GULP1: variants seen among roughly 807,000 people sequenced by gnomAD.
GULP1 encodes GULP PTB domain containing engulfment adaptor 1.
In GULP1, 19 loss-of-function variants were observed where a neutral mutation model predicts 40.9. That is an observed-to-expected ratio of 0.46 (90% CI 0.32 to 0.68). The LOEUF is 0.68. Ranked by LOEUF, GULP1 falls within the 30% of genes least tolerant of loss-of-function variation. GULP1 has a pLI of 0.03. For missense variants in GULP1, 312 were observed against 362.2 expected (o/e 0.86, Z 1.12); for synonymous variants, 119 against 117.6 (o/e 1.01, Z -0.08).
At chr2:188,366,017 A>C (rs1207342768) in intron 1 of GULP1, among the ~76,000 whole-genome samples, 2 of 152,148 alleles carry the variant, frequency 1.3e-5, no homozygotes, top group African/African-American at 2.4e-5. Context: ...GCAGGGAAGG[A>C]AATGATCAAG....
chr2:188,305,231 G>A (rs556346152), intron 1 of GULP1, among the ~76,000 whole-genome samples: 3 of 152,308 alleles, frequency 2.0e-5, no homozygotes, highest in South Asian at 2.1e-4. Context: ...TGCATAGGGC[G>A]ACGTATAGGG....
chr2:188,482,822 A>G (rs762396418), intron 3 of GULP1, among the ~76,000 whole-genome samples: 5 of 151,674 alleles, frequency 3.3e-5, no homozygotes, highest in Admixed American at 6.6e-5. Flanking sequence ...GAGACTATTT[A>G]TATCCAAAAC....
At chr2:188,545,116 A>G (rs1199529254) in intron 7 of GULP1, among the ~76,000 whole-genome samples, 2 of 152,150 alleles carry the variant, frequency 1.3e-5, no homozygotes, top group Non-Finnish European at 2.9e-5. Context: ...AGCCTGTCAA[A>G]TGATCCTATA....
At chr2:188,560,355 A>G (rs1695917612) in intron 7 of GULP1, among the ~76,000 whole-genome samples, 1 of 152,206 alleles carries the variant, frequency 6.6e-6, no homozygotes, top group African/African-American at 2.4e-5. Flanking sequence ...CCAGTTCCCA[A>G]TAAGTTCATC....
chr2:188,509,733 G>A (rs534825453), intron 4 of GULP1, among the ~76,000 whole-genome samples: 14 of 152,138 alleles, frequency 9.2e-5, no homozygotes, highest in East Asian at 1.9e-4. Context: ...AGAAAACTAC[G>A]CTGTGGCAAT....
chr2:188,555,317 T>C (rs989961198), intron 7 of GULP1, among the ~76,000 whole-genome samples: 1 of 152,292 alleles, frequency 6.6e-6, no homozygotes, highest in Middle Eastern at 3.4e-3. Flanking sequence ...CCAATGAGTT[T>C]TATACTTTCT....
At chr2:188,522,589 T>C (rs1462403994) in intron 4 of GULP1, 167 bp from the exon 5 acceptor site, 4 of 206,852 alleles carry the variant, frequency 1.9e-5, no homozygotes, top group Non-Finnish European at 3.8e-5. Flanking sequence ...TAAAGTTTAG[T>C]TACATTTTCA....
At chr2:188,314,421 C>T (rs1291876085) in intron 1 of GULP1, among the ~76,000 whole-genome samples, 2 of 151,986 alleles carry the variant, frequency 1.3e-5, no homozygotes, top group Admixed American at 1.3e-4. Context: ...TCTTTATCCT[C>T]CCCCTCTCCA....
intron 9 of GULP1, among the ~76,000 whole-genome samples, chr2:188,579,132 A>C (rs1389975415): frequency 1.3e-5 from 2 of 152,136 alleles, no homozygotes; most frequent in Non-Finnish European, 2.9e-5. Flanking sequence ...TGATTCCTTG[A>C]CTTGAATTGC....
chr2:188,409,774 AT>A (rs1333664070), intron 2 of GULP1, among the ~76,000 whole-genome samples: 2 of 152,164 alleles, frequency 1.3e-5, no homozygotes, highest in African/African-American at 4.8e-5. Context: ...TCAAGTGGGA[AT>A]TTGTTTGGTA....
intron 4 of GULP1, among the ~76,000 whole-genome samples, chr2:188,515,445 T>C (rs1042274175): frequency 2.0e-5 from 3 of 152,190 alleles, no homozygotes. Context: ...TTCCTCAGAC[T>C]CCAGCACTGT....
intron 11 of GULP1, chr2:188,589,888 G>T (rs769453478): frequency 9.1e-5 from 39 of 430,506 alleles, no homozygotes; most frequent in Non-Finnish European, 1.5e-4. Flanking sequence ...GTTATGTTTA[G>T]AGAGGTTTTA....
At chr2:188,301,377 C>T (rs2036106374) in intron 1 of GULP1, among the ~76,000 whole-genome samples, 1 of 152,104 alleles carries the variant, frequency 6.6e-6, no homozygotes, top group Non-Finnish European at 1.5e-5. Flanking sequence ...TGATTTTGTA[C>T]CTGAAGTTAA....
At chr2:188,497,306 G>A (rs1468446677) in intron 4 of GULP1, among the ~76,000 whole-genome samples, 3 of 151,760 alleles carry the variant, frequency 2.0e-5, no homozygotes, top group Non-Finnish European at 4.4e-5. Context: ...ATGTTTTCCA[G>A]CATACTAAAA....
At chr2:188,390,249 T>C (rs188481979) in intron 2 of GULP1, among the ~76,000 whole-genome samples, 1 of 152,278 alleles carries the variant, frequency 6.6e-6, no homozygotes, top group African/African-American at 2.4e-5. Context: ...GCAGTGTATG[T>C]GCTCTGTTTT....
chr2:188,397,019 T>C (rs2051376436), intron 2 of GULP1, among the ~76,000 whole-genome samples: 2 of 152,196 alleles, frequency 1.3e-5, no homozygotes, highest in South Asian at 4.1e-4. Flanking sequence ...AGGCAGTTTA[T>C]CCCACTCCCA....
At chr2:188,545,638 C>T (rs138917470) in intron 7 of GULP1, among the ~76,000 whole-genome samples, 3 of 151,170 alleles carry the variant, frequency 2.0e-5, no homozygotes, top group African/African-American at 7.3e-5. Context: ...TTTTAAAAGC[C>T]CATAGAGATG....
intron 7 of GULP1, among the ~76,000 whole-genome samples, chr2:188,556,139 A>G (rs1201671194): frequency 6.6e-6 from 1 of 152,046 alleles, no homozygotes; most frequent in Non-Finnish European, 1.5e-5. Context: ...TAATCCTTTT[A>G]TGCTTTCTTC....
chr2:188,333,044 A>C (rs2041823213), intron 1 of GULP1, among the ~76,000 whole-genome samples: 1 of 152,040 alleles, frequency 6.6e-6, no homozygotes, highest in Admixed American at 6.6e-5. Context: ...CAGGAGCTCC[A>C]GACCAGCCTA....
Sources: gnomAD v4.1 joint callset for allele counts (sites outside exome capture counted in the v4.1 genomes callset) on GRCh38, gnomAD v4.1.1 for gene constraint, MANE v1.5 for transcripts, NCBI Gene and HGNC (gene_info 2026-07-23, HGNC 2026-07-21) for gene names.